PTPRO: variants seen among roughly 807,000 people sequenced by gnomAD.
The protein encoded by PTPRO is receptor-type tyrosine-protein phosphatase O.
Under a neutral mutation model 145.2 loss-of-function variants are expected in PTPRO, and 62 were observed. That is an observed-to-expected ratio of 0.43 (90% confidence interval 0.35 to 0.53). The LOEUF (loss-of-function observed/expected upper bound fraction) is 0.53, where lower values mean the gene tolerates loss of function less well. Ranked by LOEUF, PTPRO falls within the 20% of genes least tolerant of loss-of-function variation. The pLI, the probability that PTPRO is intolerant of heterozygous loss-of-function variation, is 0.01. For synonymous variants in PTPRO, 565 were observed against 514.7 expected (o/e 1.10, Z -1.32); for missense variants, 1,345 against 1,482.7 (o/e 0.91, Z 1.53).
intron 1 of PTPRO, among the ~76,000 whole-genome samples, chr12:15,362,240 A>T (rs1201899545): frequency 6.6e-6 from 1 of 152,206 alleles, no homozygotes; most frequent in African/African-American, 2.4e-5. Context: ...ATTCACCAGG[A>T]ACTATAAAAG....
intron 10 of PTPRO, among the ~76,000 whole-genome samples, chr12:15,520,553 C>G (rs1942694352): frequency 6.6e-6 from 1 of 152,126 alleles, no homozygotes; most frequent in Non-Finnish European, 1.5e-5. Context: ...GAGGCACTGA[C>G]CTTGATTAAT....
At chr12:15,354,267 A>G (rs1484725055) in intron 1 of PTPRO, among the ~76,000 whole-genome samples, 1 of 152,218 alleles carries the variant, frequency 6.6e-6, no homozygotes, top group Non-Finnish European at 1.5e-5. Flanking sequence ...CATTGTCCCC[A>G]TAAACTTTTT....
At chr12:15,503,026 T>A (rs1030486323) in intron 5 of PTPRO, among the ~76,000 whole-genome samples, 6 of 152,198 alleles carry the variant, frequency 3.9e-5, no homozygotes, top group Non-Finnish European at 7.4e-5. Context: ...TGATACAGCA[T>A]TCAACCATAC....
intron 1 of PTPRO, among the ~76,000 whole-genome samples, chr12:15,323,376 A>T (rs963502436): frequency 2.0e-5 from 3 of 152,148 alleles, no homozygotes; most frequent in Non-Finnish European, 4.4e-5. Context: ...AATTCCTTTT[A>T]AAAAGTCTCC....
chr12:15,384,354 A>G (rs890351403), intron 1 of PTPRO, among the ~76,000 whole-genome samples: 99 of 152,252 alleles, frequency 6.5e-4, no homozygotes, highest in Non-Finnish European at 2.8e-4. Flanking sequence ...GTTAGTTTGA[A>G]CTGCCATAAC....
intron 1 of PTPRO, among the ~76,000 whole-genome samples, chr12:15,328,195 T>C (rs974623884): frequency 1.6e-4 from 24 of 152,262 alleles, no homozygotes; most frequent in African/African-American, 5.8e-4. Context: ...TTACTCCTAA[T>C]GTTTCCCTTT....
intron 1 of PTPRO, among the ~76,000 whole-genome samples, chr12:15,401,872 A>C (rs1042163410): frequency 3.3e-5 from 5 of 152,242 alleles, no homozygotes; most frequent in African/African-American, 1.2e-4. Context: ...TTGTTAGAGT[A>C]TAAATTGCAT....
At chr12:15,338,112 T>C (rs908019872) in intron 1 of PTPRO, among the ~76,000 whole-genome samples, 3 of 152,222 alleles carry the variant, frequency 2.0e-5, no homozygotes, top group African/African-American at 4.8e-5. Context: ...ATTTCACCTT[T>C]TGGATTTTTC....
chr12:15,482,055 T>G (rs1941789164), intron 1 of PTPRO, among the ~76,000 whole-genome samples: 1 of 152,044 alleles, frequency 6.6e-6, no homozygotes, highest in Non-Finnish European at 1.5e-5. Flanking sequence ...TTCTCTGCAC[T>G]CCCATGTCTA....
chr12:15,557,098 T>G (rs1038666325), intron 15 of PTPRO, among the ~76,000 whole-genome samples: 1 of 151,452 alleles, frequency 6.6e-6, no homozygotes, highest in Admixed American at 6.6e-5. Flanking sequence ...TGGAGTGCGG[T>G]GGCGCGATCT....
chr12:15,374,078 TAAC>T (rs1442237690), intron 1 of PTPRO, among the ~76,000 whole-genome samples: 1 of 152,226 alleles, frequency 6.6e-6, no homozygotes, highest in African/African-American at 2.4e-5. Context: ...AGACATTTGC[TAAC>T]AACGGCTTTG....
chr12:15,403,960 G>T (rs1383663707), intron 1 of PTPRO, among the ~76,000 whole-genome samples: 1 of 151,904 alleles, frequency 6.6e-6, no homozygotes, highest in African/African-American at 2.4e-5. Context: ...CACTTTGGGA[G>T]GCCAAGGCGG....
intron 1 of PTPRO, among the ~76,000 whole-genome samples, chr12:15,408,437 G>A (rs1167669842): frequency 6.6e-6 from 1 of 152,012 alleles, no homozygotes; most frequent in Non-Finnish European, 1.5e-5. Flanking sequence ...TGTTGTTGTT[G>A]TTGTTGTTTG....
At chr12:15,505,042 A>T (rs900403941) in intron 6 of PTPRO, among the ~76,000 whole-genome samples, 3 of 152,200 alleles carry the variant, frequency 2.0e-5, no homozygotes, top group Non-Finnish European at 4.4e-5. Flanking sequence ...AGTGTGAGAG[A>T]CCTTGGACAT....
rs536316889 is a variant in PTPRO at position 15,434,194 on chromosome 12, C to T, written c.76-49780C>T. Among the ~76,000 whole-genome samples the T allele has an allele frequency of 7.9e-5, 12 of 152,310 alleles. No homozygotes were observed. In the East Asian group the frequency reaches 2.3e-3, roughly 29 times the overall value. On this transcript the variant is annotated intron_variant, in intron 1 of 26. Coordinates refer to ENST00000281171, the MANE Select transcript of PTPRO (RefSeq NM_030667.3). ...ACCAAATATTAGCACTACTGAATAACACTTTTAACAATGTTTAAACTTGCC... is the reference window on the plus strand; with the variant it reads ...ACCAAATATTAGCACTACTGAATAATACTTTTAACAATGTTTAAACTTGCC...
At chr12:15,379,405 C>T (rs1379302889) in intron 1 of PTPRO, among the ~76,000 whole-genome samples, 1 of 151,062 alleles carries the variant, frequency 6.6e-6, no homozygotes, top group Admixed American at 6.6e-5. Flanking sequence ...GGGGCGCACA[C>T]CTGTAATTCC....
Position 15,581,795 on chromosome 12 carries a change from C to T in PTPRO, c.3249C>T (p.Ile1083=). Residue 1083 remains isoleucine (I), a synonymous_variant, in exon 23 of 27, where the codon ATC becomes ATT. Coordinates refer to ENST00000281171, the MANE Select transcript of PTPRO (RefSeq NM_030667.3). ...QDDWACRHFR[I]NYADEMQDVM... is the part of the protein sequence containing the mutation. ...ACTGGGCCTGTAGACACTTCCGGATCAACTATGTAAGTCACCAGGCAGAGA... is the reference window on the plus strand; with the variant it reads ...ACTGGGCCTGTAGACACTTCCGGATTAACTATGTAAGTCACCAGGCAGAGA... The T allele has an allele frequency of 6.2e-7, 1 of 1,613,838 alleles. No homozygotes were observed. The highest frequency in any genetic ancestry group is 8.5e-7 in the Non-Finnish European group (1 of 1,179,858).
chr12:15,485,038 A>G (rs1421200109), intron 2 of PTPRO, among the ~76,000 whole-genome samples: 1 of 152,112 alleles, frequency 6.6e-6, no homozygotes, highest in African/African-American at 2.4e-5. Context: ...TGTGTTCTTT[A>G]GTGTAAGTTT....
In PTPRO at chr12:15,542,420, G is replaced by A. The variant is rs142044138; in HGVS notation, c.2165-4149G>A. Among the ~76,000 whole-genome samples the A allele has an allele frequency of 1.8e-4, 27 of 152,288 alleles. No individual in the cohort carries two copies. In the East Asian group the frequency reaches 4.8e-3, roughly 27 times the overall value. On this transcript the variant is annotated intron_variant, in intron 12 of 26. Coordinates refer to ENST00000281171, the MANE Select transcript of PTPRO (RefSeq NM_030667.3). ...TTCAAAGCCATTCTGGGCAGCATGC[G>A]GCCTACGGGCCATGGGTTGGACAAG...
Sources: allele counts gnomAD v4.1 joint callset (sites outside exome capture counted in the v4.1 genomes callset), GRCh38; gene constraint gnomAD v4.1.1; transcripts MANE v1.5; gene names NCBI Gene and HGNC (gene_info 2026-07-23, HGNC 2026-07-21).